PARP4: variants seen among roughly 807,000 people sequenced by gnomAD.
PARP4 encodes the protein protein mono-ADP-ribosyltransferase PARP4.
Under a neutral mutation model 187.7 loss-of-function variants are expected in PARP4, and 120 were observed. That is an observed-to-expected ratio of 0.64 (90% confidence interval 0.55 to 0.74). The LOEUF is 0.74. PARP4 is among the 30% of genes least tolerant of loss of function. The pLI, the probability that PARP4 is intolerant of heterozygous loss-of-function variation, is 0.00. For synonymous variants in PARP4, 654 were observed against 740.9 expected (o/e 0.88, Z 1.90); for missense variants, 1,836 against 2,070.5 (o/e 0.89, Z 2.20).
intron 8 of PARP4, among the ~76,000 whole-genome samples, chr13:24,493,125 TG>T (rs1223872405): frequency 1.3e-5 from 2 of 152,366 alleles, no homozygotes; most frequent in Middle Eastern, 3.4e-3. Flanking sequence ...TATCTTCTTT[TG>T]TCTGCTCTTT....
chr13:24,510,271 T>C (rs1228996433), intron 1 of PARP4, among the ~76,000 whole-genome samples: 5 of 152,258 alleles, frequency 3.3e-5, no homozygotes, highest in Admixed American at 6.5e-5. Context: ...GTGTTCACTA[T>C]TGGCCGGGCG....
intron 30 of PARP4, among the ~76,000 whole-genome samples, chr13:24,437,449 A>C (rs1380235386): frequency 6.6e-6 from 1 of 152,196 alleles, no homozygotes; most frequent in Non-Finnish European, 1.5e-5. Context: ...GAATACCGGG[A>C]AACAAATTTT....
At chr13:24,477,581 G>C in intron 14 of PARP4, 120 bp downstream of exon 14, 1 of 632,056 alleles carries the variant, frequency 1.6e-6, no homozygotes, top group Non-Finnish European at 2.7e-6. Flanking sequence ...GAAAGGAAAT[G>C]AAATACTTAT....
intron 27 of PARP4, 121 bp from the exon 28 acceptor site, chr13:24,443,851 TAC>T (rs1871076906): frequency 5.8e-6 from 4 of 691,244 alleles, no homozygotes; most frequent in South Asian, 3.4e-5. Context: ...TCCTCTTAAA[TAC>T]ACAGTTTGAT....
intron 25 of PARP4, among the ~76,000 whole-genome samples, chr13:24,449,228 A>T (rs1440131563): frequency 3.3e-5 from 5 of 152,014 alleles, no homozygotes; most frequent in Non-Finnish European, 5.9e-5. Context: ...CTCTACTAAA[A>T]ATACAAACAA....
intron 12 of PARP4, among the ~76,000 whole-genome samples, chr13:24,478,980 C>T (rs990975998): frequency 1.2e-4 from 19 of 152,086 alleles, no homozygotes; most frequent in Non-Finnish European, 1.8e-4. Context: ...GAATAAGAAC[C>T]GTGGGTACCA....
At chr13:24,468,343 G>C (rs1872575904) in intron 17 of PARP4, among the ~76,000 whole-genome samples, 1 of 151,240 alleles carries the variant, frequency 6.6e-6, no homozygotes, top group South Asian at 2.1e-4. Context: ...CCTGCTTTAT[G>C]ATTGGACCAT....
chr13:24,512,065 A>G (rs1361566993), intron 1 of PARP4, among the ~76,000 whole-genome samples: 1 of 152,190 alleles, frequency 6.6e-6, no homozygotes, highest in African/African-American at 2.4e-5. Flanking sequence ...ATTGTCATAT[A>G]ATTGTTGTCA....
At chr13:24,490,103 C>T (rs73463193) in intron 10 of PARP4, among the ~76,000 whole-genome samples, 2,387 of 152,296 alleles carry the variant, frequency 0.016, 74 homozygotes, top group African/African-American at 0.053. Context: ...AACTGAGAAG[C>T]TGGGCACAGA....
chr13:24,500,174 A>G (rs1381356784), intron 4 of PARP4, 142 bp downstream of exon 4: 1 of 415,604 alleles, frequency 2.4e-6, no homozygotes, highest in Admixed American at 4.0e-5. Flanking sequence ...AAAGACTCAA[A>G]TAAAAAATCA....
intron 2 of PARP4, among the ~76,000 whole-genome samples, chr13:24,502,439 C>T (rs572807453): frequency 8.5e-5 from 13 of 152,324 alleles, no homozygotes; most frequent in African/African-American, 3.1e-4. Flanking sequence ...TCCCCAGTTC[C>T]TCTCTGCAGA....
At chr13:24,466,507 A>G (rs1872478236) in intron 17 of PARP4, among the ~76,000 whole-genome samples, 1 of 152,132 alleles carries the variant, frequency 6.6e-6, no homozygotes, top group African/African-American at 2.4e-5. Flanking sequence ...TAAGAGAGAG[A>G]GAACTGGCTG....
chr13:24,459,973 TG>T lies in PARP4; in HGVS notation c.2296del (p.Gln766ArgfsTer4). On this transcript the variant is annotated frameshift_variant and splice_region_variant, in exon 18 of 34. Coordinates refer to ENST00000381989, the MANE Select transcript of PARP4 (RefSeq NM_006437.4). LOFTEE classifies it high-confidence loss of function. Reference sequence around the variant, plus strand: ...TCTTCAAATCTTATGCGTACAAACCTGAAGGTTTTCATTCAAAGCCTTGTCC... The same window carrying T: ...TCTTCAAATCTTATGCGTACAAACCTAAGGTTTTCATTCAAAGCCTTGTCC... ...QQDKALNENL[Q>X]DTVEKICIKE... is the part of the protein sequence containing the mutation. 1 of 1,613,596 alleles carries T rather than the reference TG, an allele frequency of 6.2e-7. No homozygotes were observed. The highest frequency in any genetic ancestry group is 1.3e-5 in the African/African-American group (1 of 74,994).
At chr13:24,422,203 G>A (rs933568879) in intron 33 of PARP4, among the ~76,000 whole-genome samples, 1 of 152,148 alleles carries the variant, frequency 6.6e-6, no homozygotes, top group African/African-American at 2.4e-5. Context: ...TCAATTATGA[G>A]AATAACCTGA....
chr13:24,507,079 C>A (rs927933091), intron 1 of PARP4, among the ~76,000 whole-genome samples: 1 of 149,068 alleles, frequency 6.7e-6, no homozygotes, highest in Non-Finnish European at 1.5e-5. Flanking sequence ...CCGGGGCCGG[C>A]GGGGCCAGCG....
chr13:24,493,470 G>T lies in PARP4; in HGVS notation c.879+126C>A. On this transcript the variant is annotated intron_variant, in intron 8 of 33. Coordinates refer to ENST00000381989, the MANE Select transcript of PARP4 (RefSeq NM_006437.4). ...GTCTCTTTCTTCAGTACCGGTACAA[G>T]GAAAGAACATTTAGGAATGAATTCC... 3.4e-6 allele frequency: 3 copies of T among 877,548 alleles called. No homozygotes were observed. The South Asian group carries it at 5.7e-5, about 17-fold the overall frequency. The allele number at this position is 877,548 out of a possible 1,614,324, so 54.4% of individuals were successfully genotyped here.
intron 17 of PARP4, among the ~76,000 whole-genome samples, chr13:24,468,438 C>CT (rs1432601799): frequency 7.6e-6 from 1 of 132,134 alleles, no homozygotes; most frequent in Non-Finnish European, 1.6e-5. Flanking sequence ...GAGTTTCGCT[C>CT]TTGTTGCCCA....
chr13:24,446,607 T>G (rs900007647), intron 27 of PARP4, 74 bp downstream of exon 27: 7 of 1,010,586 alleles, frequency 6.9e-6, no homozygotes, highest in Non-Finnish European at 9.4e-6. Flanking sequence ...AAGCTTGACA[T>G]AGAGCATTAT....
chr13:24,453,690 C>G, intron 22 of PARP4, 36 bp from the exon 23 acceptor site: 1 of 1,177,362 alleles, frequency 8.5e-7, no homozygotes, highest in Non-Finnish European at 1.3e-6. Flanking sequence ...GCTGCTTCCA[C>G]ACGTTCACTT....
Sources: allele counts gnomAD v4.1 joint callset (sites outside exome capture counted in the v4.1 genomes callset), GRCh38; gene constraint gnomAD v4.1.1; transcripts MANE v1.5; gene names NCBI Gene and HGNC (gene_info 2026-07-23, HGNC 2026-07-21).